MAP3K4: variants seen among roughly 807,000 people sequenced by gnomAD.
MAP3K4 encodes the protein MAP three kinase 1.
A neutral mutation model predicts 185.6 loss-of-function variants in MAP3K4; 67 were observed. The ratio of observed to expected loss-of-function variants is 0.36; its 90% CI spans 0.30 to 0.44. The LOEUF is 0.44. MAP3K4 is among the 20% of genes least tolerant of loss of function. The pLI is 1.00. For missense variants in MAP3K4, 1,551 were observed against 1,995.1 expected (o/e 0.78, Z 4.24); for synonymous variants, 702 against 710.4 (o/e 0.99, Z 0.19).
Position 161,116,735 on chromosome 6 carries a change from T to G in MAP3K4, c.4807-115T>G, listed in dbSNP as rs1778603539. On this transcript the variant is annotated intron_variant, in intron 26 of 26. Transcript: ENST00000392142. This position sits in a 1 kb window ranked among gnomAD's most constrained non-coding sequence, Gnocchi z 6.2. ...GCCTTGCCCTCTGTGCCCAGTACAG[T>G]GCTGGGAGCATCAGGATGAGTGGAT... 1.2e-6 allele frequency: 1 copy of G among 863,428 alleles called. No homozygotes were observed. Among genetic ancestry groups the G allele is most frequent in the Non-Finnish European group, 1.9e-6 (1 of 514,770 alleles). The allele number at this position is 863,428 out of a possible 1,614,324, so 53.5% of individuals were successfully genotyped here.
In MAP3K4 at chr6:161,109,953, A is replaced by G. The variant is rs1196447095; in HGVS notation, c.4396+39A>G. On this transcript the variant is annotated intron_variant, in intron 23 of 26. Transcript: ENST00000392142. The surrounding 1 kb of genome is among the most constrained non-coding windows in gnomAD (Gnocchi z 5.7). ...CGCCTGGCTGCTGTGGGCCAGAGCC[A>G]CTGGTACCCAGCCCGTGGGAGGTGC... is the stretch of plus-strand genomic sequence containing the variant. The G allele has an allele frequency of 2.5e-6, 4 of 1,609,242 alleles. No individual in the cohort carries two copies. Among genetic ancestry groups the G allele is most frequent in the African/African-American group, 2.7e-5 (2 of 74,782 alleles).
At chr6:161,081,111 T>G in intron 6 of MAP3K4, 73 bp downstream of exon 6, 10 of 1,483,148 alleles carry the variant, frequency 6.7e-6, no homozygotes, top group Non-Finnish European at 9.2e-6. Context: ...ACTGATTCTC[T>G]CCTATGTGTT....
Position 161,116,754 on chromosome 6 carries a change from A to G in MAP3K4, c.4807-96A>G. On this transcript the variant is annotated intron_variant, in intron 26 of 26. Transcript: ENST00000392142. The surrounding 1 kb of genome is among the most constrained non-coding windows in gnomAD (Gnocchi z 6.2). ...GTACAGTGCTGGGAGCATCAGGATGAGTGGATGGGGCCTTCCCCGTAAGAC... is the reference window on the plus strand; with the variant it reads ...GTACAGTGCTGGGAGCATCAGGATGGGTGGATGGGGCCTTCCCCGTAAGAC... 9.7e-7 allele frequency: 1 copy of G among 1,031,460 alleles called. No homozygotes were observed. The allele number at this position is 1,031,460 out of a possible 1,614,324, so 63.9% of individuals were successfully genotyped here.
chr6:160,997,084 A>G (rs537204716), intron 1 of MAP3K4, among the ~76,000 whole-genome samples: 1 of 152,168 alleles, frequency 6.6e-6, no homozygotes, highest in Non-Finnish European at 1.5e-5. Context: ...TTCAGTCTTT[A>G]TAACAAACCT....
Position 161,034,939 on chromosome 6 carries a change from A to T in MAP3K4, c.343+490A>T, listed in dbSNP as rs541471338. ...TCTCTTTTTCATACTAAGCACAGTG[A>T]CCCCACACCTAACAACCATGACAGA... On this transcript the variant is annotated intron_variant, in intron 2 of 26. Transcript: ENST00000392142. This position sits in a 1 kb window ranked among gnomAD's most constrained non-coding sequence, Gnocchi z 4.4. Among the ~76,000 whole-genome samples the T allele has an allele frequency of 6.6e-6, 1 of 152,066 alleles. No homozygotes were observed. Among genetic ancestry groups the T allele is most frequent in the African/African-American group, 2.4e-5 (1 of 41,484 alleles).
rs961632605 is a variant in MAP3K4 at position 161,088,381 on chromosome 6, A to G, written c.2823+427A>G. On this transcript the variant is annotated intron_variant, in intron 10 of 26. Coordinates refer to ENST00000392142, the MANE Select transcript of MAP3K4 (RefSeq NM_005922.4). The surrounding 1 kb of genome is among the most constrained non-coding windows in gnomAD (Gnocchi z 4.5). ...TAACAGGGACCTCGTGACAGTTTCT[A>G]TAACTCATTAGTTATAAACTATGAG... is the stretch of plus-strand genomic sequence containing the variant. Among the ~76,000 whole-genome samples, 4 of 152,186 alleles carry G rather than the reference A, an allele frequency of 2.6e-5. No homozygotes were observed. Among genetic ancestry groups the G allele is most frequent in the East Asian group, 1.9e-4 (1 of 5,192 alleles).
At position 161,067,082 on chromosome 6, in the gene MAP3K4, T is replaced by C. The variant is rs1784744916; in HGVS notation, c.1708-3526T>C. 5 of 176,128 alleles carry C rather than the reference T, an allele frequency of 2.8e-5. No homozygotes were observed. In the South Asian group the frequency reaches 4.1e-4, roughly 14 times the overall value. The allele number at this position is 176,128 out of a possible 1,614,324, so 10.9% of individuals were successfully genotyped here. On this transcript the variant is annotated intron_variant, in intron 3 of 26. Transcript: ENST00000392142. This position sits in a 1 kb window ranked among gnomAD's most constrained non-coding sequence, Gnocchi z 6.3. Reference sequence around the variant, plus strand: ...TGAATATCTGAGACAGGTCTGTTAATTTAGAAAGTTTGTTTTGCCAAGGTC... The same window carrying C: ...TGAATATCTGAGACAGGTCTGTTAACTTAGAAAGTTTGTTTTGCCAAGGTC...
intron 17 of MAP3K4, among the ~76,000 whole-genome samples, chr6:161,099,766 A>G (rs1039587806): frequency 6.6e-6 from 1 of 152,176 alleles, no homozygotes; most frequent in East Asian, 1.9e-4. Context: ...CTCTTTTTAA[A>G]GGTTGATGCA....
intron 1 of MAP3K4, among the ~76,000 whole-genome samples, chr6:161,001,454 C>T (rs941333142): frequency 1.3e-5 from 2 of 152,066 alleles, no homozygotes; most frequent in Non-Finnish European, 2.9e-5. Context: ...CCGCTTCCCC[C>T]CAGAATAGAT....
At chr6:161,046,824 A>G (rs1783749124) in intron 2 of MAP3K4, among the ~76,000 whole-genome samples, 2 of 150,446 alleles carry the variant, frequency 1.3e-5, no homozygotes, top group African/African-American at 4.9e-5. Context: ...AGATATACTA[A>G]TATGTCTTTA....
intron 2 of MAP3K4, among the ~76,000 whole-genome samples, chr6:161,038,349 G>A (rs1057119658): frequency 2.6e-5 from 4 of 152,208 alleles, no homozygotes; most frequent in African/African-American, 9.6e-5. Context: ...AGGAAGACTA[G>A]TATTTCAGAC....
At chr6:161,050,875 A>G (rs1007998363) in intron 3 of MAP3K4, among the ~76,000 whole-genome samples, 1 of 152,236 alleles carries the variant, frequency 6.6e-6, no homozygotes, top group Admixed American at 6.5e-5. Context: ...AGCTGTATAC[A>G]TACATATGTA....
intron 2 of MAP3K4, among the ~76,000 whole-genome samples, chr6:161,044,772 G>T (rs1783644183): frequency 6.6e-6 from 1 of 152,114 alleles, no homozygotes; most frequent in South Asian, 2.1e-4. Flanking sequence ...TTCTGGTGAA[G>T]CCTCAAGAAG....
rs150337409 is a variant in MAP3K4, at chr6:161,089,422, A to G, written c.2924A>G (p.Glu975Gly). The G allele has an allele frequency of 1.2e-6, 2 of 1,614,080 alleles. No individual in the cohort carries two copies. The highest frequency in any genetic ancestry group is 2.7e-5 in the African/African-American group (2 of 74,928). Reference protein sequence around the residue: ...SIEGLMTLCQEQTSSQPVIAK... With the variant: ...SIEGLMTLCQGQTSSQPVIAK... The stretch of plus-strand genomic sequence containing the variant: ...GAGGGACTTATGACTCTGTGCCAGG[A>G]GCAGACATCCAGTCAGCCGGTCATC... Residue 975 changes from glutamate to glycine, a missense_variant, in exon 11 of 27, where the codon GAG (glutamate) becomes GGG (glycine). This residue lies in a region of MAP3K4 where 261 missense variants were observed against 306.5 expected (regional missense o/e 0.85). Transcript: ENST00000392142.
chr6:161,104,415 C>CCA (rs1196581563), intron 19 of MAP3K4, among the ~76,000 whole-genome samples: 1 of 58,332 alleles, frequency 1.7e-5, no homozygotes, highest in African/African-American at 5.6e-5. Context: ...ACTCCGTTTC[C>CCA]AAAAAAAAAA....
At chr6:160,992,839 C>G (rs544749562) in intron 1 of MAP3K4, among the ~76,000 whole-genome samples, 19 of 151,944 alleles carry the variant, frequency 1.3e-4, no homozygotes, top group African/African-American at 3.9e-4. Flanking sequence ...ATTGAGAGAA[C>G]AAACTCACCA....
Position 161,093,144 on chromosome 6 carries a change from G to A in MAP3K4, c.3348+88G>A. The A allele has an allele frequency of 2.4e-6, 2 of 849,222 alleles. No homozygotes were observed. The highest frequency in any genetic ancestry group is 3.8e-6 in the Non-Finnish European group (2 of 529,944). 52.6% of individuals were successfully genotyped at this position (849,222 alleles called of 1,614,324 possible). ...TGTATATGTTTTATATGTAATAGTG[G>A]TTTTTTTCATGAGATATTAATCTCA... On this transcript the variant is annotated intron_variant, in intron 14 of 26. Coordinates refer to ENST00000392142, the MANE Select transcript of MAP3K4 (RefSeq NM_005922.4). This position sits in a 1 kb window ranked among gnomAD's most constrained non-coding sequence, Gnocchi z 5.2.
At chr6:161,104,900 T>G (rs927260428) in intron 19 of MAP3K4, among the ~76,000 whole-genome samples, 8 of 152,246 alleles carry the variant, frequency 5.3e-5, no homozygotes, top group Admixed American at 2.6e-4. Context: ...AATAAGAAAT[T>G]ATAACTGGAC....
In MAP3K4 at chr6:161,053,794, A is replaced by G. The variant is rs368541975; in HGVS notation, c.1707+3815A>G. The stretch of plus-strand genomic sequence containing the variant: ...TTTTAATAGAGACGGGGGTTTCACC[A>G]TGTTGGCCAGGCTAGTCTTGAACTC... On this transcript the variant is annotated intron_variant, in intron 3 of 26. Transcript: ENST00000392142. This position sits in a 1 kb window ranked among gnomAD's most constrained non-coding sequence, Gnocchi z 4.2. 7.2e-5 allele frequency among the ~76,000 whole-genome samples: 11 copies of G among 151,952 alleles called. No individual in the cohort carries two copies. The South Asian group carries it at 2.3e-3, about 32-fold the overall frequency.
Sources: allele counts gnomAD v4.1 joint callset (sites outside exome capture counted in the v4.1 genomes callset), GRCh38; gene constraint gnomAD v4.1.1; regional missense constraint gnomAD v4.1.1; non-coding constraint Gnocchi (gnomAD v3.1); transcripts MANE v1.5; gene names NCBI Gene and HGNC (gene_info 2026-07-23, HGNC 2026-07-21).